TET1: variants seen among roughly 807,000 people sequenced by gnomAD.
The protein encoded by TET1 is tet methylcytosine dioxygenase 1, also known as methylcytosine dioxygenase TET1.
TET1 carries 13 observed loss-of-function variants against 148.7 expected under a neutral mutation model. The observed-to-expected ratio is 0.09, with a 90% confidence interval of 0.06 to 0.14. The LOEUF is 0.14. Among genes scored for constraint, TET1 ranks in the 10% least tolerant of loss-of-function variants. TET1 has a pLI of 1.00. For synonymous variants in TET1, 907 were observed against 937.2 expected, an observed-to-expected ratio of 0.97 and a Z score of 0.59; for missense variants, 2,182 against 2,553.8, an observed-to-expected ratio of 0.85 and a Z score of 3.14.
intron 1 of TET1, among the ~76,000 whole-genome samples, chr10:68,563,804 C>G (rs1392324288): frequency 6.6e-6 from 1 of 152,212 alleles, no homozygotes; most frequent in Non-Finnish European, 1.5e-5. Flanking sequence ...GCCTCAGCCT[C>G]CCAAGTAGCT....
intron 11 of TET1, among the ~76,000 whole-genome samples, chr10:68,688,010 C>G (rs2055538601): frequency 6.6e-6 from 1 of 152,064 alleles, no homozygotes; most frequent in Admixed American, 6.6e-5. Context: ...TCATAGCACA[C>G]TGCTGCCTCA....
intron 1 of TET1, among the ~76,000 whole-genome samples, chr10:68,570,669 A>G (rs1378362037): frequency 6.6e-6 from 1 of 151,750 alleles, no homozygotes; most frequent in Non-Finnish European, 1.5e-5. Flanking sequence ...TTGCTCTGTC[A>G]CCCAGGCTGG....
chr10:68,600,708 T>A (rs2054043748), intron 2 of TET1, among the ~76,000 whole-genome samples: 1 of 152,176 alleles, frequency 6.6e-6, no homozygotes. Flanking sequence ...GATGGCTACC[T>A]CGTGGGCTTC....
rs1437786011 is a variant in TET1, at chr10:68,646,650, C to G, written c.3921C>G (p.Asn1307Lys). ...HPLTQPSSPP[N>K]QCANVMAGDD... ...TGACCCAGCCCTCCTCTCCACCTAA[C>G]CAGTGTGCTAACGTGATGGCAGGCG... The change falls in exon 4 of 12, where the codon AAC becomes AAG. Residue 1307 changes from asparagine (N) to lysine (K), a missense_variant. By Grantham distance (94) the Asn-to-Lys change is moderately conservative (BLOSUM62 0). Transcript: ENST00000373644. 6.2e-6 allele frequency: 10 copies of G among 1,614,162 alleles called. 1 individual carries two copies. In the South Asian group the frequency reaches 8.8e-5, roughly 14 times the overall value.
intron 4 of TET1, among the ~76,000 whole-genome samples, chr10:68,647,296 T>C (rs1486706461): frequency 6.6e-6 from 1 of 152,180 alleles, no homozygotes; most frequent in Non-Finnish European, 1.5e-5. Context: ...CAATTTATCG[T>C]GCGTAGCATA....
chr10:68,626,459 C>T (rs1044282955), intron 3 of TET1, among the ~76,000 whole-genome samples: 27 of 150,868 alleles, frequency 1.8e-4, no homozygotes, highest in Non-Finnish European at 3.0e-5. Context: ...CCTCAGCCTC[C>T]GAAAGTGCTG....
At chr10:68,596,019 C>CATATAT (rs1564959051) in intron 2 of TET1, among the ~76,000 whole-genome samples, 29 of 108,266 alleles carry the variant, frequency 2.7e-4, no homozygotes, top group African/African-American at 9.2e-4. Flanking sequence ...CACACACACA[C>CATATAT]ACACACACAT....
chr10:68,624,677 TC>T (rs869037744), intron 3 of TET1, among the ~76,000 whole-genome samples: 1,189 of 112,744 alleles, frequency 0.011, 35 homozygotes, highest in Non-Finnish European at 0.014. Flanking sequence ...TCTCTCTCTC[TC>T]TCTCTCTCTC....
intron 3 of TET1, among the ~76,000 whole-genome samples, chr10:68,624,650 TTCTTTCTTTCTCTCTC>T (rs2054437391): frequency 7.0e-5 from 4 of 57,036 alleles, no homozygotes; most frequent in African/African-American, 4.3e-4. Context: ...CTTTCTTTCT[TTCTTTCTTTCTCTCTC>T]TCTCTCTCTC....
At chr10:68,670,655 C>G (rs2055260570) in intron 7 of TET1, among the ~76,000 whole-genome samples, 2 of 152,070 alleles carry the variant, frequency 1.3e-5, no homozygotes, top group South Asian at 2.1e-4. Flanking sequence ...CCTTCCATGT[C>G]TTTTTCAATG....
At chr10:68,660,528 G>A (rs1320347353) in intron 6 of TET1, among the ~76,000 whole-genome samples, 5 of 151,770 alleles carry the variant, frequency 3.3e-5, no homozygotes, top group Non-Finnish European at 7.4e-5. Context: ...TTTTAGTAGG[G>A]ATGGGGTTTC....
chr10:68,664,142 C>A (rs575623963), intron 6 of TET1, among the ~76,000 whole-genome samples: 1 of 152,056 alleles, frequency 6.6e-6, no homozygotes, highest in East Asian at 1.9e-4. Context: ...TGGGTAGCTC[C>A]TTTTTACTGT....
intron 2 of TET1, among the ~76,000 whole-genome samples, chr10:68,592,769 T>A (rs551939865): frequency 3.2e-4 from 48 of 152,292 alleles, no homozygotes; most frequent in African/African-American, 1.0e-3. Context: ...GAAATATTGC[T>A]TCCCCTGGGA....
intron 2 of TET1, among the ~76,000 whole-genome samples, chr10:68,595,983 T>TACACACACAC (rs773605594): frequency 2.2e-4 from 11 of 50,426 alleles, no homozygotes; most frequent in Admixed American, 3.3e-4. Context: ...CACACATATA[T>TACACACACAC]ACACACACAC....
At chr10:68,666,037 A>C (rs1414528931) in intron 6 of TET1, among the ~76,000 whole-genome samples, 1 of 152,110 alleles carries the variant, frequency 6.6e-6, no homozygotes, top group Non-Finnish European at 1.5e-5. Context: ...AATGTGGTCA[A>C]TCTCTGCACT....
intron 3 of TET1, among the ~76,000 whole-genome samples, chr10:68,617,602 A>G (rs2054311876): frequency 6.6e-6 from 1 of 151,852 alleles, no homozygotes; most frequent in African/African-American, 2.4e-5. Context: ...CTGGAGTGCA[A>G]TGGCATGATC....
chr10:68,619,970 A>G (rs943115404), intron 3 of TET1, among the ~76,000 whole-genome samples: 3 of 152,182 alleles, frequency 2.0e-5, no homozygotes, highest in African/African-American at 7.2e-5. Context: ...AGCTGGGCAG[A>G]TCACTTGAGT....
intron 8 of TET1, among the ~76,000 whole-genome samples, chr10:68,680,801 G>A (rs2055425933): frequency 6.6e-6 from 1 of 152,124 alleles, no homozygotes; most frequent in Non-Finnish European, 1.5e-5. Flanking sequence ...ACAACCACTT[G>A]CCCACTTACT....
chr10:68,631,062 A>G lies in TET1; in HGVS notation c.1969-13636A>G, dbSNP rs367920735. Reference sequence around the variant, plus strand: ...CATGATGGTGTGTGCCTGTATTCCCAGCTACTTGGGAGGCTGAGGCAGGAG... The same window carrying G: ...CATGATGGTGTGTGCCTGTATTCCCGGCTACTTGGGAGGCTGAGGCAGGAG... On this transcript the variant is annotated intron_variant, in intron 3 of 11. Transcript: ENST00000373644. Among the ~76,000 whole-genome samples the G allele has an allele frequency of 7.2e-5, 11 of 152,304 alleles. No individual in the cohort carries two copies. The East Asian group carries it at 1.7e-3, about 24-fold the overall frequency.
Sources: gnomAD v4.1 joint callset for allele counts (sites outside exome capture counted in the v4.1 genomes callset) on GRCh38, gnomAD v4.1.1 for gene constraint, MANE v1.5 for transcripts, NCBI Gene and HGNC (gene_info 2026-07-23, HGNC 2026-07-21) for gene names.